DLGAP1: variants seen among roughly 807,000 people sequenced by gnomAD.
DLGAP1 encodes DLG associated protein 1, also known as disks large-associated protein 1.
DLGAP1 carries 11 observed loss-of-function variants against 90.8 expected under a neutral mutation model. The ratio of observed to expected loss-of-function variants is 0.12; its 90% CI spans 0.08 to 0.20. The LOEUF is 0.20. DLGAP1 is among the 10% of genes least tolerant of loss of function. DLGAP1 has a pLI of 1.00. For synonymous variants in DLGAP1, 558 were observed against 540.7 expected (o/e 1.03, Z -0.44); for missense variants, 1,050 against 1,333.8 (o/e 0.79, Z 3.31).
At chr18:4,033,678 C>T (rs1051276703) in intron 2 of DLGAP1, among the ~76,000 whole-genome samples, 5 of 151,390 alleles carry the variant, frequency 3.3e-5, no homozygotes, top group South Asian at 2.1e-4. Context: ...CCAAATAATT[C>T]GGGTGAAAAA....
chr18:4,358,460 G>C (rs1384124601), intron 1 of DLGAP1, among the ~76,000 whole-genome samples: 1 of 152,214 alleles, frequency 6.6e-6, no homozygotes, highest in Non-Finnish European at 1.5e-5. Context: ...AAGAAGGCCA[G>C]TGTGTGTGCC....
Position 4,378,585 on chromosome 18 carries a change from G to C in DLGAP1, c.-267+76421C>G, listed in dbSNP as rs2082059501. ...AACCAAAATCAACAAATAAAATCAA[G>C]CTCTTAGAGTGCTTAAGAATCCATG... is the stretch of plus-strand genomic sequence containing the variant. On this transcript the variant is annotated intron_variant, in intron 1 of 12. Coordinates refer to ENST00000315677, the MANE Select transcript of DLGAP1 (RefSeq NM_004746.4). The surrounding 1 kb of genome is among the most constrained non-coding windows in gnomAD (Gnocchi z 4.5). 6.6e-6 allele frequency among the ~76,000 whole-genome samples: 1 copy of C among 152,030 alleles called. No homozygotes were observed. The highest frequency in any genetic ancestry group is 6.6e-5 in the Admixed American group (1 of 15,260).
chr18:3,602,765 G>A (rs1239922423), intron 7 of DLGAP1, among the ~76,000 whole-genome samples: 2 of 152,086 alleles, frequency 1.3e-5, no homozygotes, highest in Admixed American at 6.6e-5. Flanking sequence ...GAAGATACAA[G>A]CAATACGATT....
intron 1 of DLGAP1, among the ~76,000 whole-genome samples, chr18:4,233,396 A>G (rs1249401850): frequency 6.6e-6 from 1 of 152,140 alleles, no homozygotes; most frequent in Non-Finnish European, 1.5e-5. Context: ...AAGGTCTTTC[A>G]GTTTGAGATT....
At chr18:3,806,129 GC>G (rs2066546867) in intron 5 of DLGAP1, among the ~76,000 whole-genome samples, 1 of 152,126 alleles carries the variant, frequency 6.6e-6, no homozygotes, top group South Asian at 2.1e-4. Flanking sequence ...CCATCTGCAT[GC>G]ATAAGAAGAA....
intron 1 of DLGAP1, among the ~76,000 whole-genome samples, chr18:4,172,394 T>C (rs1463088569): frequency 6.6e-6 from 1 of 152,216 alleles, no homozygotes; most frequent in Non-Finnish European, 1.5e-5. Flanking sequence ...GAGTCACATG[T>C]CTTGTACACA....
chr18:3,652,694 T>C (rs760150552), intron 7 of DLGAP1, among the ~76,000 whole-genome samples: 27 of 152,220 alleles, frequency 1.8e-4, no homozygotes, highest in Middle Eastern at 3.2e-3. Context: ...TATTTAGAAA[T>C]GTGGAACTTT....
At chr18:4,023,409 T>C (rs1440892145) in intron 2 of DLGAP1, among the ~76,000 whole-genome samples, 1 of 152,232 alleles carries the variant, frequency 6.6e-6, no homozygotes, top group Non-Finnish European at 1.5e-5. Context: ...ACTTTGACTT[T>C]CAAGAAACCT....
chr18:3,541,090 C>A (rs896084069), intron 9 of DLGAP1, among the ~76,000 whole-genome samples: 2 of 152,292 alleles, frequency 1.3e-5, no homozygotes, highest in Non-Finnish European at 2.9e-5. Flanking sequence ...TGGCTACTGA[C>A]CCGAGGTAAC....
chr18:3,779,053 C>G (rs184490313), intron 5 of DLGAP1, among the ~76,000 whole-genome samples: 1 of 152,300 alleles, frequency 6.6e-6, no homozygotes, highest in East Asian at 1.9e-4. Flanking sequence ...CTTTTCTTGA[C>G]CACCCGCAGG....
At chr18:4,231,026 T>G (rs1050548524) in intron 1 of DLGAP1, among the ~76,000 whole-genome samples, 5 of 152,066 alleles carry the variant, frequency 3.3e-5, no homozygotes, top group Non-Finnish European at 7.4e-5. Flanking sequence ...TCCACTTTGG[T>G]TTGTTTCAAT....
rs560365024 is a variant in DLGAP1, at chr18:3,703,344, T to C, written c.1591+25791A>G. On this transcript the variant is annotated intron_variant, in intron 7 of 12. Transcript: ENST00000315677. ...ATGCCACTGGGCAGTTGTCCATGCA[T>C]AGGCTGGAGAAATTAATAGGAAGGG... Among the ~76,000 whole-genome samples, 29 of 152,318 alleles carry C rather than the reference T, an allele frequency of 1.9e-4. No individual in the cohort carries two copies. In the Middle Eastern group the frequency reaches 0.01, roughly 54 times the overall value.
At chr18:3,518,863 C>T (rs932600770) in intron 10 of DLGAP1, among the ~76,000 whole-genome samples, 11 of 152,190 alleles carry the variant, frequency 7.2e-5, no homozygotes, top group East Asian at 3.8e-4. Flanking sequence ...ATTTCTCCTG[C>T]AAATCTTCAC....
At position 4,165,458 on chromosome 18, in the gene DLGAP1, A is replaced by G. The variant is rs1188182773; in HGVS notation, c.-266-14171T>C. ...GAAAAGTCTGTCACTACCCAACCTA[A>G]CTTTAAAACTTGGCTAAAGGAAGTT... On this transcript the variant is annotated intron_variant, in intron 1 of 12. Transcript: ENST00000315677. Among the ~76,000 whole-genome samples, 6 of 152,242 alleles carry G rather than the reference A, an allele frequency of 3.9e-5. No homozygotes were observed. The East Asian group carries it at 1.2e-3, about 29-fold the overall frequency.
At chr18:3,623,212 AAG>A (rs2058164050) in intron 7 of DLGAP1, among the ~76,000 whole-genome samples, 1 of 152,154 alleles carries the variant, frequency 6.6e-6, no homozygotes, top group Admixed American at 6.6e-5. Context: ...GCATTGATTT[AAG>A]AGAGTTGTTG....
At chr18:3,557,151 T>G (rs368934711) in intron 9 of DLGAP1, among the ~76,000 whole-genome samples, 4 of 152,232 alleles carry the variant, frequency 2.6e-5, no homozygotes, top group African/African-American at 9.6e-5. Context: ...GAAATTGTTC[T>G]TCTTTTCTAA....
intron 7 of DLGAP1, among the ~76,000 whole-genome samples, chr18:3,708,854 A>G (rs930855104): frequency 6.6e-6 from 1 of 152,162 alleles, no homozygotes; most frequent in African/African-American, 2.4e-5. Context: ...CCAGGTGCAC[A>G]TTAGGTGGAA....
At chr18:3,948,939 T>G (rs1450710143) in intron 3 of DLGAP1, among the ~76,000 whole-genome samples, 1 of 151,972 alleles carries the variant, frequency 6.6e-6, no homozygotes, top group South Asian at 2.1e-4. Context: ...TTTAAAAAAA[T>G]AAATAAAAAT....
chr18:4,292,873 A>G (rs1266202221), intron 1 of DLGAP1, among the ~76,000 whole-genome samples: 1 of 152,204 alleles, frequency 6.6e-6, no homozygotes, highest in African/African-American at 2.4e-5. Flanking sequence ...TGTGATTGAT[A>G]CCTAGCAGAT....
Sources: allele counts gnomAD v4.1 joint callset (sites outside exome capture counted in the v4.1 genomes callset), GRCh38; gene constraint gnomAD v4.1.1; non-coding constraint Gnocchi (gnomAD v3.1); transcripts MANE v1.5; gene names NCBI Gene and HGNC (gene_info 2026-07-23, HGNC 2026-07-21).